The following SGCD variants were observed in gnomAD, a reference collection of about 807,000 sequenced individuals.
SGCD encodes delta-sarcoglycan.
SGCD carries 18 observed loss-of-function variants against 36.6 expected under a neutral mutation model. That is an observed-to-expected ratio of 0.49 (90% confidence interval 0.34 to 0.73). SGCD has a LOEUF of 0.73. SGCD is among the 30% of genes least tolerant of loss of function. SGCD has a pLI of 0.01. For synonymous variants in SGCD, 133 were observed against 130.6 expected, an observed-to-expected ratio of 1.02 and a Z score of -0.12; for missense variants, 387 against 346.7, an observed-to-expected ratio of 1.12 and a Z score of -0.92.
intron 1 of SGCD, among the ~76,000 whole-genome samples, chr5:156,069,111 G>T (rs1267014671): frequency 1.3e-5 from 2 of 152,126 alleles, no homozygotes. Flanking sequence ...TTGCTGTGCA[G>T]AAGCTATTTA....
chr5:156,667,238 G>A (rs1753086523), intron 7 of SGCD, among the ~76,000 whole-genome samples: 1 of 152,116 alleles, frequency 6.6e-6, no homozygotes, highest in African/African-American at 2.4e-5. Flanking sequence ...TTGAAAGTGA[G>A]AAAGACACAT....
the SGCD span, among the ~76,000 whole-genome samples, chr5:155,770,594 G>A: frequency 1.3e-5 from 2 of 152,102 alleles, no homozygotes; most frequent in Admixed American, 1.3e-4. Flanking sequence ...TATTCTGAGG[G>A]CAGTGGCGTG....
At chr5:156,230,115 C>G (rs960039128) in intron 3 of SGCD, among the ~76,000 whole-genome samples, 8 of 152,100 alleles carry the variant, frequency 5.3e-5, no homozygotes, top group African/African-American at 1.7e-4. Flanking sequence ...TTCTCTGGTG[C>G]TTCCCCTTTC....
chr5:155,835,002 A>ATTTTTTTTTTTTTTTTTTTTTTTTTT, the SGCD span, among the ~76,000 whole-genome samples: 1 of 60,178 alleles, frequency 1.7e-5, no homozygotes, highest in East Asian at 7.6e-4. Context: ...TGCCCAGCTA[A>ATTTTTTTTTTTTTTTTTTTTTTTTTT]TTTTTTTTTT....
At chr5:155,816,892 A>G in the SGCD span, among the ~76,000 whole-genome samples, 4 of 152,242 alleles carry the variant, frequency 2.6e-5, no homozygotes, top group African/African-American at 7.2e-5. Flanking sequence ...TTTTGAGGAC[A>G]TTATACGTTA....
chr5:156,179,051 A>G (rs1461014979), intron 3 of SGCD, among the ~76,000 whole-genome samples: 1 of 152,194 alleles, frequency 6.6e-6, no homozygotes, highest in Non-Finnish European at 1.5e-5. Flanking sequence ...AGGAAAAATG[A>G]CTGTTGACAT....
At chr5:156,017,323 G>GT (rs997899090) in intron 1 of SGCD, among the ~76,000 whole-genome samples, 4 of 151,688 alleles carry the variant, frequency 2.6e-5, no homozygotes, top group African/African-American at 7.3e-5. Context: ...CCATGCAAAA[G>GT]TTTTTTTTAT....
chr5:156,733,087 T>C (rs545985989), intron 7 of SGCD, among the ~76,000 whole-genome samples: 25 of 152,042 alleles, frequency 1.6e-4, no homozygotes, highest in Non-Finnish European at 3.7e-4. Context: ...CTGATCTTGC[T>C]TTGAGATTTG....
chr5:155,736,437 CAGAGGTA>C, the SGCD span, among the ~76,000 whole-genome samples: 1 of 152,162 alleles, frequency 6.6e-6, no homozygotes, highest in African/African-American at 2.4e-5. Flanking sequence ...AAGTGCAAGG[CAGAGGTA>C]CCTCTCTTTA....
chr5:155,835,307 C>T, the SGCD span, among the ~76,000 whole-genome samples: 1 of 152,048 alleles, frequency 6.6e-6, no homozygotes, highest in African/African-American at 2.4e-5. Flanking sequence ...TGCGCCCGGC[C>T]TTGTAATCAT....
intron 7 of SGCD, among the ~76,000 whole-genome samples, chr5:156,756,994 G>A (rs1310287567): frequency 6.6e-6 from 1 of 152,030 alleles, no homozygotes; most frequent in African/African-American, 2.4e-5. Context: ...CATTTCTATT[G>A]TGTCAGGCAC....
chr5:156,478,192 C>A (rs564807982), intron 3 of SGCD, among the ~76,000 whole-genome samples: 74 of 152,230 alleles, frequency 4.9e-4, no homozygotes, highest in African/African-American at 1.7e-3. Context: ...ATTTTCATTA[C>A]TTATCTTTCT....
chr5:156,326,140 C>T (rs1488115137), upstream of SGCD, among the ~76,000 whole-genome samples: 1 of 152,174 alleles, frequency 6.6e-6, no homozygotes, highest in Non-Finnish European at 1.5e-5. Context: ...GACAACTTTG[C>T]TCTGGCTCTT....
intron 3 of SGCD, among the ~76,000 whole-genome samples, chr5:156,182,570 C>T (rs1459815570): frequency 6.6e-6 from 1 of 152,128 alleles, no homozygotes; most frequent in Non-Finnish European, 1.5e-5. Context: ...GCACTCCAGC[C>T]TGGGTGATAG....
intron 3 of SGCD, among the ~76,000 whole-genome samples, chr5:156,187,782 A>G (rs752674181): frequency 2.6e-5 from 4 of 152,158 alleles, no homozygotes; most frequent in Admixed American, 1.3e-4. Context: ...CTGGCCAGAG[A>G]TGATGTAATG....
chr5:155,902,352 A>G (rs758436129), intron 1 of SGCD, among the ~76,000 whole-genome samples: 1 of 152,232 alleles, frequency 6.6e-6, no homozygotes. Context: ...GTTAGTTGGT[A>G]TTGTTAATGA....
intron 1 of SGCD, among the ~76,000 whole-genome samples, chr5:155,936,140 C>T (rs759195750): frequency 3.3e-5 from 5 of 152,204 alleles, no homozygotes; most frequent in Non-Finnish European, 7.3e-5. Context: ...CCCCGAAGGA[C>T]TGCAGCTCTT....
the SGCD span, among the ~76,000 whole-genome samples, chr5:155,803,680 A>G: frequency 6.6e-6 from 1 of 152,194 alleles, no homozygotes; most frequent in South Asian, 2.1e-4. Flanking sequence ...TGTTTCTATT[A>G]TACTCTCTCA....
chr5:156,722,651 A>G (rs1755565680), intron 7 of SGCD, among the ~76,000 whole-genome samples: 1 of 152,246 alleles, frequency 6.6e-6, no homozygotes, highest in Admixed American at 6.5e-5. Context: ...CAGAGAAAGA[A>G]GCTTGGAGTT....
Sources: gnomAD v4.1 joint callset for allele counts (sites outside exome capture counted in the v4.1 genomes callset) on GRCh38, gnomAD v4.1.1 for gene constraint, MANE v1.5 for transcripts, NCBI Gene and HGNC (gene_info 2026-07-23, HGNC 2026-07-21) for gene names.